The following TXNL4A variants were observed in gnomAD, a reference collection of about 807,000 sequenced individuals.
TXNL4A encodes the protein thioredoxin like 4A, also known as thioredoxin-like protein 4A.
TXNL4A carries 17 observed loss-of-function variants against 14.6 expected under a neutral mutation model. The ratio of observed to expected loss-of-function variants is 1.16; its 90% CI spans 0.80 to 1.74. The LOEUF is 1.74. TXNL4A is among the 40% of genes most tolerant of loss of function. The pLI, the probability that TXNL4A is intolerant of heterozygous loss-of-function variation, is 0.00. For synonymous variants in TXNL4A, 83 were observed against 70.6 expected (o/e 1.18, Z -0.88); for missense variants, 74 against 195.2 (o/e 0.38, Z 3.70).
intron 1 of TXNL4A, among the ~76,000 whole-genome samples, chr18:80,030,798 C>G (rs2051916041): frequency 6.6e-6 from 1 of 152,090 alleles, no homozygotes; most frequent in Admixed American, 6.5e-5. Context: ...GAAACCCTGT[C>G]TCTACTAAAA....
At chr18:79,974,204 G>C (rs927536883) in intron 2 of TXNL4A, among the ~76,000 whole-genome samples, 6 of 151,966 alleles carry the variant, frequency 3.9e-5, no homozygotes, top group Admixed American at 2.0e-4. Context: ...CTTGAGGCCC[G>C]GAGTCCGAGA....
intron 2 of TXNL4A, 123 bp downstream of exon 2, chr18:79,977,475 G>A (rs1017807398): frequency 9.1e-6 from 7 of 766,256 alleles, no homozygotes; most frequent in African/African-American, 8.9e-5. Flanking sequence ...TGATACAAAC[G>A]ATTTTGGGAC....
intron 1 of TXNL4A, among the ~76,000 whole-genome samples, chr18:80,000,569 T>C (rs1248037645): frequency 1.3e-5 from 2 of 152,236 alleles, no homozygotes; most frequent in Non-Finnish European, 2.9e-5. Flanking sequence ...GACGATGAGA[T>C]AGAAAAGGAA....
intron 1 of TXNL4A, among the ~76,000 whole-genome samples, chr18:80,030,877 G>C (rs1437888200): frequency 6.6e-6 from 1 of 152,208 alleles, no homozygotes; most frequent in Non-Finnish European, 1.5e-5. Flanking sequence ...TGAGGCAGGA[G>C]AATTGCTTGA....
chr18:79,975,059 C>G (rs1025854119), intron 2 of TXNL4A, among the ~76,000 whole-genome samples: 8 of 152,222 alleles, frequency 5.3e-5, no homozygotes, highest in African/African-American at 1.7e-4. Flanking sequence ...GCAGGCCCTA[C>G]ATGCAGCATG....
At chr18:80,013,986 G>A (rs1360772104) in intron 1 of TXNL4A, among the ~76,000 whole-genome samples, 1 of 152,180 alleles carries the variant, frequency 6.6e-6, no homozygotes, top group Non-Finnish European at 1.5e-5. Flanking sequence ...AACAAAAGCA[G>A]AAGGCCCTGA....
intron 1 of TXNL4A, among the ~76,000 whole-genome samples, chr18:80,031,445 G>A (rs1189983299): frequency 6.6e-6 from 1 of 152,124 alleles, no homozygotes; most frequent in African/African-American, 2.4e-5. Context: ...GTTATGCTTG[G>A]GCACAAGGAC....
intron 1 of TXNL4A, among the ~76,000 whole-genome samples, chr18:79,984,960 C>T (rs937317848): frequency 6.6e-6 from 1 of 152,114 alleles, no homozygotes; most frequent in Non-Finnish European, 1.5e-5. Context: ...AGCGTTCCTA[C>T]AAAATAGAAA....
chr18:79,999,248 A>T (rs1426915419), intron 1 of TXNL4A, among the ~76,000 whole-genome samples: 1 of 152,158 alleles, frequency 6.6e-6, no homozygotes, highest in Admixed American at 6.5e-5. Flanking sequence ...GTTAGAAGCT[A>T]TTCTAGGCCG....
chr18:80,033,696 A>T (rs1458551643), intron 1 of TXNL4A, among the ~76,000 whole-genome samples: 1 of 152,324 alleles, frequency 6.6e-6, no homozygotes, highest in East Asian at 1.9e-4. Context: ...CTAGCTACGC[A>T]GCGCCAGGCA....
At chr18:80,006,571 T>G (rs2051732694) in intron 1 of TXNL4A, among the ~76,000 whole-genome samples, 1 of 152,120 alleles carries the variant, frequency 6.6e-6, no homozygotes, top group Non-Finnish European at 1.5e-5. Context: ...TTTATTTACT[T>G]ATAAAAGTTG....
intron 2 of TXNL4A, chr18:79,977,305 C>T (rs2051394334): frequency 2.1e-6 from 1 of 473,028 alleles, no homozygotes; most frequent in East Asian, 3.6e-5. Flanking sequence ...ATTATAGTTC[C>T]AGGTATCTAA....
At chr18:79,996,367 G>T (rs60145418) in intron 1 of TXNL4A, among the ~76,000 whole-genome samples, 3 of 152,064 alleles carry the variant, frequency 2.0e-5, no homozygotes, top group Admixed American at 2.0e-4. Context: ...AACCCCATAC[G>T]TGAGAGTAAT....
chr18:80,015,329 T>C (rs1437866787), intron 1 of TXNL4A, among the ~76,000 whole-genome samples: 1 of 151,128 alleles, frequency 6.6e-6, no homozygotes, highest in Non-Finnish European at 1.5e-5. Context: ...TCTGTTTCCC[T>C]TTTAAAACAA....
intron 1 of TXNL4A, among the ~76,000 whole-genome samples, chr18:80,015,408 T>C (rs746598251): frequency 1.9e-3 from 286 of 151,224 alleles, no homozygotes; most frequent in Non-Finnish European, 3.6e-3. Context: ...ATGTGCACAA[T>C]GTGCAAGTCA....
chr18:80,015,006 C>T lies in TXNL4A; in HGVS notation c.-61+18845G>A, dbSNP rs145827841. Among the ~76,000 whole-genome samples, 122 of 152,350 alleles carry T rather than the reference C, an allele frequency of 8.0e-4. 2 individuals carry two copies. In the East Asian group the frequency reaches 0.018, roughly 23 times the overall value. On this transcript the variant is annotated intron_variant, in intron 1 of 2. Transcript: ENST00000585474. Reference sequence around the variant, plus strand: ...TCACAGCCCAAGCTGTATGTTGGCCCCTTTCTGCCACAGCTGGAGTGGCTG... The same window carrying T: ...TCACAGCCCAAGCTGTATGTTGGCCTCTTTCTGCCACAGCTGGAGTGGCTG...
upstream of TXNL4A, among the ~76,000 whole-genome samples, chr18:79,989,086 CTGCTGAGCTGCCTGT>C (rs2051604333): frequency 6.6e-6 from 1 of 152,212 alleles, no homozygotes; most frequent in Non-Finnish European, 1.5e-5. Flanking sequence ...ATCAGGCCGG[CTGCTGAGCTGCCTGT>C]TGTAACCTGA....
In TXNL4A at chr18:79,993,942, T is replaced by C. The variant is rs1363227570; in HGVS notation, c.-60-16241A>G. 6.6e-6 allele frequency among the ~76,000 whole-genome samples: 1 copy of C among 152,216 alleles called. No homozygotes were observed. Among genetic ancestry groups the C allele is most frequent in the Admixed American group, 6.5e-5 (1 of 15,280 alleles). On this transcript the variant is annotated intron_variant, in intron 1 of 2. Transcript: ENST00000585474. This position sits in a 1 kb window ranked among gnomAD's most constrained non-coding sequence, Gnocchi z 4.4. ...CCAGGTAGCCGCGACAAGCGTGGACTGAACTGGTTCAAGGAATAATGGCCC... is the reference window on the plus strand; with the variant it reads ...CCAGGTAGCCGCGACAAGCGTGGACCGAACTGGTTCAAGGAATAATGGCCC...
At chr18:79,983,146 G>A (rs1168675867) in intron 1 of TXNL4A, among the ~76,000 whole-genome samples, 5 of 152,014 alleles carry the variant, frequency 3.3e-5, no homozygotes, top group African/African-American at 9.7e-5. Flanking sequence ...GATTACAAGC[G>A]CCCACCACCA....
Sources: allele counts gnomAD v4.1 joint callset (sites outside exome capture counted in the v4.1 genomes callset), GRCh38; gene constraint gnomAD v4.1.1; non-coding constraint Gnocchi (gnomAD v3.1); transcripts MANE v1.5; gene names NCBI Gene and HGNC (gene_info 2026-07-23, HGNC 2026-07-21).